Variants in COX10 observed in about 807,000 individuals in gnomAD.
COX10 encodes the protein protoheme IX farnesyltransferase, mitochondrial.
A neutral mutation model predicts 37.3 loss-of-function variants in COX10; 27 were observed. The observed-to-expected ratio is 0.72, with a 90% CI of 0.53 to 1.00. COX10 has a LOEUF of 1.00. Ranked by LOEUF, COX10 falls within the 50% of genes least tolerant of loss-of-function variation. The pLI is 0.00. For synonymous variants in COX10, 222 were observed against 229.1 expected (o/e 0.97, Z 0.28); for missense variants, 475 against 563.2 (o/e 0.84, Z 1.59).
chr17:14,099,528 G>C lies in COX10; in HGVS notation c.500-2590G>C, dbSNP rs541827515. Among the ~76,000 whole-genome samples, 114 of 152,098 alleles carry C rather than the reference G, an allele frequency of 7.5e-4. 1 individual carries two copies. Among genetic ancestry groups the C allele is most frequent in the African/African-American group, 2.5e-3 (105 of 41,490 alleles). ...CATGTACCTCCTGATGCCAATAGTG[G>C]TGCCTTCCTGTTCTGCTTGCTGTAG... On this transcript the variant is annotated intron_variant, in intron 3 of 6. Coordinates refer to ENST00000261643, the MANE Select transcript of COX10 (RefSeq NM_001303.4).
At chr17:14,138,688 A>G (rs1452082250) in intron 4 of COX10, among the ~76,000 whole-genome samples, 3 of 152,132 alleles carry the variant, frequency 2.0e-5, no homozygotes, top group African/African-American at 7.2e-5. Context: ...CTAAACTTAT[A>G]ATTAGCAGTT....
intron 5 of COX10, among the ~76,000 whole-genome samples, chr17:14,186,985 GT>G (rs36094568): frequency 0.55 from 81,944 of 148,684 alleles, 22,713 homozygotes; most frequent in East Asian, 0.6. Context: ...TTATTTTAAG[GT>G]TTTTTTTTTT....
intron 4 of COX10, among the ~76,000 whole-genome samples, chr17:14,119,109 T>C (rs1916174832): frequency 6.6e-6 from 1 of 152,128 alleles, no homozygotes; most frequent in Non-Finnish European, 1.5e-5. Context: ...TTGAACTAAG[T>C]GAGGTACATT....
At chr17:14,084,774 C>G (rs138358614) in intron 3 of COX10, among the ~76,000 whole-genome samples, 176 of 152,232 alleles carry the variant, frequency 1.2e-3, no homozygotes, top group Admixed American at 2.4e-3. Context: ...CATTCTCTTG[C>G]CTCAGCCTTC....
At chr17:14,198,536 G>A (rs1424901218) in intron 6 of COX10, among the ~76,000 whole-genome samples, 1 of 152,156 alleles carries the variant, frequency 6.6e-6, no homozygotes, top group Non-Finnish European at 1.5e-5. Context: ...ATTCAAATGT[G>A]TGTTAAGCAT....
intron 1 of COX10, among the ~76,000 whole-genome samples, chr17:14,073,717 A>G (rs1915081429): frequency 6.6e-6 from 1 of 152,204 alleles, no homozygotes; most frequent in African/African-American, 2.4e-5. Context: ...GTAGTGTTCT[A>G]TGGCTTGTCG....
At chr17:14,105,659 A>G (rs1461893851) in intron 4 of COX10, among the ~76,000 whole-genome samples, 1 of 152,186 alleles carries the variant, frequency 6.6e-6, no homozygotes, top group Non-Finnish European at 1.5e-5. Flanking sequence ...TTCATTGCAT[A>G]TCAGTGAGAA....
chr17:14,069,698 A>C, intron 1 of COX10, 50 bp downstream of exon 1: 1 of 1,610,468 alleles, frequency 6.2e-7, no homozygotes. Flanking sequence ...TTCTCTTATT[A>C]CCACGTGCGA....
At chr17:14,109,398 G>C (rs1915965632) in intron 4 of COX10, among the ~76,000 whole-genome samples, 1 of 152,076 alleles carries the variant, frequency 6.6e-6, no homozygotes, top group African/African-American at 2.4e-5. Flanking sequence ...TTTGGCATTG[G>C]TGTTTATAAC....
chr17:14,158,749 G>A (rs1905108155), intron 4 of COX10, among the ~76,000 whole-genome samples: 1 of 152,146 alleles, frequency 6.6e-6, no homozygotes, highest in Non-Finnish European at 1.5e-5. Flanking sequence ...GTGCTCATAT[G>A]ATTTGACCAT....
intron 2 of COX10, among the ~76,000 whole-genome samples, chr17:14,074,917 TA>T: frequency 6.6e-6 from 1 of 152,342 alleles, no homozygotes; most frequent in Admixed American, 6.5e-5. Context: ...ACAGTTTTTA[TA>T]ATTTTCTAGC....
At chr17:14,199,162 G>A (rs1906454884) in intron 6 of COX10, among the ~76,000 whole-genome samples, 1 of 152,000 alleles carries the variant, frequency 6.6e-6, no homozygotes, top group Non-Finnish European at 1.5e-5. Flanking sequence ...CTGGTACTAA[G>A]GGCACTGAGG....
intron 6 of COX10, among the ~76,000 whole-genome samples, chr17:14,203,024 C>T (rs1906592393): frequency 6.6e-6 from 1 of 152,134 alleles, no homozygotes; most frequent in African/African-American, 2.4e-5. Flanking sequence ...TCAAAATAGG[C>T]ATCAGCACTG....
In COX10 at chr17:14,069,773, G is replaced by A. The variant is rs1415949584; in HGVS notation, c.43+125G>A. The A allele has an allele frequency of 5.2e-6, 6 of 1,155,434 alleles. No homozygotes were observed. The Admixed American group carries it at 1.1e-4, about 22-fold the overall frequency. The allele number at this position is 1,155,434 out of a possible 1,614,324, so 71.6% of individuals were successfully genotyped here. ...GGCGAGGTTGGCCGGCCACCGGTGT[G>A]GTGGGGGAAATGACCTCTGGAGTAG... On this transcript the variant is annotated intron_variant, in intron 1 of 6. Coordinates refer to ENST00000261643, the MANE Select transcript of COX10 (RefSeq NM_001303.4).
At chr17:14,117,325 G>A (rs995218193) in intron 4 of COX10, among the ~76,000 whole-genome samples, 8 of 152,146 alleles carry the variant, frequency 5.3e-5, no homozygotes, top group Non-Finnish European at 1.2e-4. Context: ...AAGATCATTA[G>A]AAAGGCTTTA....
intron 4 of COX10, among the ~76,000 whole-genome samples, chr17:14,121,174 C>T (rs1293184455): frequency 6.6e-6 from 1 of 152,084 alleles, no homozygotes; most frequent in Non-Finnish European, 1.5e-5. Flanking sequence ...TCTTGTCTGC[C>T]TCAGCCAGAT....
intron 3 of COX10, among the ~76,000 whole-genome samples, chr17:14,095,147 A>G (rs1915616041): frequency 1.3e-5 from 2 of 152,230 alleles, no homozygotes; most frequent in African/African-American, 4.8e-5. Flanking sequence ...TTGCCCAAGG[A>G]GAAATAATTT....
chr17:14,155,184 G>A (rs112874573), intron 4 of COX10, among the ~76,000 whole-genome samples: 171 of 152,268 alleles, frequency 1.1e-3, no homozygotes, highest in Middle Eastern at 3.4e-3. Flanking sequence ...GAAGAAATCA[G>A]AGCCGATTCT....
chr17:14,140,849 TGTG>T (rs1904518696), intron 4 of COX10, among the ~76,000 whole-genome samples: 1 of 152,164 alleles, frequency 6.6e-6, no homozygotes, highest in Non-Finnish European at 1.5e-5. Flanking sequence ...AATCTTGACT[TGTG>T]GTAATCTTCT....
Sources: allele counts gnomAD v4.1 joint callset (sites outside exome capture counted in the v4.1 genomes callset), GRCh38; gene constraint gnomAD v4.1.1; transcripts MANE v1.5; gene names NCBI Gene and HGNC (gene_info 2026-07-23, HGNC 2026-07-21).